Variants in ARMC8 observed in about 807,000 individuals in gnomAD.
ARMC8 encodes the protein armadillo repeat-containing protein 8.
A neutral mutation model predicts 99.3 loss-of-function variants in ARMC8; 20 were observed. That is an observed-to-expected ratio of 0.20 (90% confidence interval 0.14 to 0.29). The LOEUF (loss-of-function observed/expected upper bound fraction) is 0.29, where lower values mean the gene tolerates loss of function less well. Among genes scored for constraint, ARMC8 ranks in the 10% least tolerant of loss-of-function variants. The probability of loss-of-function intolerance (pLI) is 1.00; values close to 1 mark genes in which losing one functional copy is unlikely to be tolerated. For synonymous variants in ARMC8, 263 were observed against 278.3 expected, an observed-to-expected ratio of 0.95 and a Z score of 0.55; for missense variants, 569 against 809.5, an observed-to-expected ratio of 0.70 and a Z score of 3.60.
At chr3:138,274,952 C>G (rs1016794219) in intron 18 of ARMC8, among the ~76,000 whole-genome samples, 8 of 152,192 alleles carry the variant, frequency 5.3e-5, no homozygotes, top group Admixed American at 3.3e-4. Flanking sequence ...ATTCCTCATC[C>G]TGGAGATAGT....
At chr3:138,263,171 G>A (rs566317672) in intron 12 of ARMC8, among the ~76,000 whole-genome samples, 3 of 152,326 alleles carry the variant, frequency 2.0e-5, no homozygotes, top group East Asian at 3.9e-4. Context: ...GAAAATTGCA[G>A]GTTATCTTAT....
intron 2 of ARMC8, among the ~76,000 whole-genome samples, chr3:138,220,481 G>A (rs560831975): frequency 6.6e-6 from 1 of 152,294 alleles, no homozygotes; most frequent in Non-Finnish European, 1.5e-5. Context: ...GGCATTCTCA[G>A]TATTTGGCTT....
chr3:138,263,403 T>G, intron 12 of ARMC8: 2 of 250,984 alleles, frequency 8.0e-6, no homozygotes, highest in East Asian at 9.5e-5. Context: ...ACCTGCCCAA[T>G]GAGAGTTCAT....
Position 138,247,426 on chromosome 3 carries a change from A to G in ARMC8, c.1134+2243A>G, listed in dbSNP as rs190065506. 1.7e-4 allele frequency among the ~76,000 whole-genome samples: 26 copies of G among 152,306 alleles called. No individual in the cohort carries two copies. In the East Asian group the frequency reaches 4.4e-3, roughly 26 times the overall value. Reference sequence around the variant, plus strand: ...AAGAAATTTAAAGGACTGTAGATCTACTTCCCTCAATCCCTACTTCTCCCC... The same window carrying G: ...AAGAAATTTAAAGGACTGTAGATCTGCTTCCCTCAATCCCTACTTCTCCCC... On this transcript the variant is annotated intron_variant, in intron 12 of 21. Transcript: ENST00000469044.
chr3:138,257,966 T>G (rs1215338749), intron 12 of ARMC8, among the ~76,000 whole-genome samples: 1 of 152,202 alleles, frequency 6.6e-6, no homozygotes, highest in Non-Finnish European at 1.5e-5. Context: ...GCTTGTGATT[T>G]TCAGAGTTTA....
At chr3:138,295,793 AC>A in intron 21 of ARMC8, 65 bp from the exon 22 acceptor site, 2 of 1,565,656 alleles carry the variant, frequency 1.3e-6, no homozygotes, top group Non-Finnish European at 1.8e-6. Flanking sequence ...TCATCATTGA[AC>A]CATAGGGTTT....
At chr3:138,253,313 C>T (rs879823517) in intron 12 of ARMC8, among the ~76,000 whole-genome samples, 3 of 152,148 alleles carry the variant, frequency 2.0e-5, no homozygotes, top group Non-Finnish European at 4.4e-5. Context: ...AGCATTAGCA[C>T]ATTCTCTCCC....
At chr3:138,265,986 G>C (rs892458499) in intron 14 of ARMC8, among the ~76,000 whole-genome samples, 1 of 152,208 alleles carries the variant, frequency 6.6e-6, no homozygotes, top group African/African-American at 2.4e-5. Context: ...CTCAGGAGCT[G>C]TCAGGGGGAC....
chr3:138,274,671 G>A (rs1038303812), intron 18 of ARMC8, 127 bp downstream of exon 18: 6 of 669,578 alleles, frequency 9.0e-6, no homozygotes, highest in African/African-American at 5.4e-5. Flanking sequence ...TCTAGAAATA[G>A]GAAGAAATAT....
chr3:138,290,579 TG>T lies in ARMC8; in HGVS notation c.1931del (p.Gly644AlafsTer3). On this transcript the variant is annotated frameshift_variant, in exon 21 of 22. Transcript: ENST00000469044. LOFTEE classifies it high-confidence loss of function. ...GAACGCCAGGATAAATTACGAGACA[TG>T]GGCATCGTAGATATTCTACACAAAC... The part of the protein sequence containing the change: ...SQERQDKLRD[M>X]GIVDILHKLS... 6.2e-7 allele frequency: 1 copy of T among 1,607,686 alleles called. No individual in the cohort carries two copies. The highest frequency in any genetic ancestry group is 1.7e-5 in the Admixed American group (1 of 59,112).
intron 1 of ARMC8, among the ~76,000 whole-genome samples, chr3:138,208,087 TG>T (rs2108018821): frequency 9.4e-6 from 1 of 106,302 alleles, no homozygotes; most frequent in East Asian, 6.2e-4. Context: ...ACGGCATCTC[TG>T]TTTTTTTTTT....
rs763484914 is a variant in ARMC8, at chr3:138,228,912, C to T, written c.436-6C>T. Reference sequence around the variant, plus strand: ...AGTTTCTTGTTGCTGTGTTCTCCTTCCCTAGGATGCCACAGTGATACCACA... The same window carrying T: ...AGTTTCTTGTTGCTGTGTTCTCCTTTCCTAGGATGCCACAGTGATACCACA... On this transcript the variant is annotated splice_region_variant and splice_polypyrimidine_tract_variant and intron_variant, in intron 5 of 21. Coordinates refer to ENST00000469044, the MANE Select transcript of ARMC8 (RefSeq NM_001363941.2). 1.3e-6 allele frequency: 2 copies of T among 1,594,862 alleles called. No individual in the cohort carries two copies. The highest frequency in any genetic ancestry group is 2.2e-5 in the South Asian group (2 of 90,662).
At chr3:138,229,089 C>T in intron 6 of ARMC8, 79 bp downstream of exon 6, 1 of 819,596 alleles carries the variant, frequency 1.2e-6, no homozygotes, top group Admixed American at 2.3e-5. Context: ...TGTGTACCCT[C>T]CCAGGGGTAG....
At chr3:138,211,600 C>T (rs1442248451) in intron 2 of ARMC8, among the ~76,000 whole-genome samples, 2 of 152,168 alleles carry the variant, frequency 1.3e-5, no homozygotes, top group Non-Finnish European at 2.9e-5. Flanking sequence ...TAGCTGTCAG[C>T]TAGACATAAA....
At chr3:138,207,750 A>T (rs1462824773) in intron 1 of ARMC8, among the ~76,000 whole-genome samples, 1 of 152,158 alleles carries the variant, frequency 6.6e-6, no homozygotes. Context: ...ACATTTGAAG[A>T]TCTGACAAAT....
chr3:138,270,332 C>G (rs139572742), intron 16 of ARMC8, among the ~76,000 whole-genome samples, 200 bp downstream of exon 16: 105 of 152,270 alleles, frequency 6.9e-4, no homozygotes, highest in African/African-American at 2.4e-3. Flanking sequence ...GTTATGCCTC[C>G]GTTCTCTTAT....
intron 12 of ARMC8, 94 bp downstream of exon 12, chr3:138,245,277 A>G: frequency 3.7e-6 from 6 of 1,612,720 alleles, no homozygotes; most frequent in Non-Finnish European, 5.1e-6. Flanking sequence ...ACTAACAGTG[A>G]CTGTTTGAAT....
intron 21 of ARMC8, among the ~76,000 whole-genome samples, chr3:138,292,918 C>T (rs755583481): frequency 1.3e-5 from 2 of 152,090 alleles, no homozygotes; most frequent in African/African-American, 2.4e-5. Flanking sequence ...GAGACTCAGG[C>T]GCATAAGGTG....
chr3:138,239,897 GA>G (rs936927084), intron 10 of ARMC8, among the ~76,000 whole-genome samples: 1 of 152,072 alleles, frequency 6.6e-6, no homozygotes, highest in East Asian at 1.9e-4. Flanking sequence ...CACTTTTGCA[GA>G]AAAAGACTTT....
Sources: gnomAD v4.1 joint callset for allele counts (sites outside exome capture counted in the v4.1 genomes callset) on GRCh38, gnomAD v4.1.1 for gene constraint, MANE v1.5 for transcripts, NCBI Gene and HGNC (gene_info 2026-07-23, HGNC 2026-07-21) for gene names.